Variants in PPP3R1 observed in about 807,000 individuals in gnomAD.
PPP3R1 encodes the protein protein phosphatase 3 regulatory subunit B, alpha.
Under a neutral mutation model 22.6 loss-of-function variants are expected in PPP3R1, and 5 were observed. That is an observed-to-expected ratio of 0.22 (90% confidence interval 0.12 to 0.46). PPP3R1 has a LOEUF of 0.46. Ranked by LOEUF, PPP3R1 falls within the 20% of genes least tolerant of loss-of-function variation. The pLI is 0.99. For missense variants in PPP3R1, 61 were observed against 203.2 expected (o/e 0.30, Z 4.25); for synonymous variants, 56 against 65.2 (o/e 0.86, Z 0.68).
intron 1 of PPP3R1, among the ~76,000 whole-genome samples, chr2:68,236,990 G>C (rs1670031783): frequency 1.3e-5 from 2 of 152,256 alleles, no homozygotes; most frequent in East Asian, 1.9e-4. Context: ...TTTAAAGTAA[G>C]CAAGTCTTAT....
intron 1 of PPP3R1, among the ~76,000 whole-genome samples, chr2:68,241,099 T>C (rs1646023565): frequency 6.6e-6 from 1 of 152,180 alleles, no homozygotes; most frequent in Non-Finnish European, 1.5e-5. Context: ...CAGTATCCAC[T>C]GGGAACTGGT....
chr2:68,218,823 C>T (rs1450839480), intron 1 of PPP3R1, among the ~76,000 whole-genome samples: 5 of 151,852 alleles, frequency 3.3e-5, no homozygotes, highest in African/African-American at 9.7e-5. Context: ...AAACCAGGTC[C>T]TTGTTTCTCC....
At chr2:68,197,061 ATAAC>A (rs1206717614) in intron 2 of PPP3R1, among the ~76,000 whole-genome samples, 1 of 152,206 alleles carries the variant, frequency 6.6e-6, no homozygotes, top group Non-Finnish European at 1.5e-5. Context: ...ACTTTGAGGA[ATAAC>A]TACCTTCAAA....
At chr2:68,247,458 TTC>T (rs915340218) in intron 1 of PPP3R1, among the ~76,000 whole-genome samples, 2 of 152,198 alleles carry the variant, frequency 1.3e-5, no homozygotes, top group Middle Eastern at 3.2e-3. Context: ...ATCAAGTTCT[TTC>T]TGTTTCTCCT....
At chr2:68,204,008 A>C (rs1007767995) in intron 2 of PPP3R1, among the ~76,000 whole-genome samples, 1 of 152,174 alleles carries the variant, frequency 6.6e-6, no homozygotes, top group South Asian at 2.1e-4. Flanking sequence ...TGTGTTTACT[A>C]ATTTTATCTA....
chr2:68,223,579 A>G (rs1049248104), intron 1 of PPP3R1, among the ~76,000 whole-genome samples: 17 of 151,602 alleles, frequency 1.1e-4, no homozygotes, highest in East Asian at 7.7e-4. Flanking sequence ...TTAACAGAGG[A>G]AAAAAAAAGA....
chr2:68,195,585 G>T (rs560943601), intron 2 of PPP3R1, among the ~76,000 whole-genome samples: 1 of 152,046 alleles, frequency 6.6e-6, no homozygotes, highest in Admixed American at 6.5e-5. Flanking sequence ...CCTAATTTTG[G>T]CATCCATCAG....
chr2:68,202,658 C>T (rs576529773), intron 2 of PPP3R1, among the ~76,000 whole-genome samples: 5 of 151,952 alleles, frequency 3.3e-5, no homozygotes, highest in Admixed American at 3.3e-4. Flanking sequence ...CTCCCGACCT[C>T]AGGTGATCCA....
At chr2:68,207,618 C>T (rs1669335992) in intron 2 of PPP3R1, among the ~76,000 whole-genome samples, 1 of 152,148 alleles carries the variant, frequency 6.6e-6, no homozygotes, top group Non-Finnish European at 1.5e-5. Context: ...ACTATGGTTC[C>T]CTCAAGACTT....
At chr2:68,193,400 C>T (rs759358530) in intron 2 of PPP3R1, among the ~76,000 whole-genome samples, 3 of 152,030 alleles carry the variant, frequency 2.0e-5, no homozygotes, top group South Asian at 4.1e-4. Context: ...CTTTCAGCTA[C>T]GATTACGATG....
intron 1 of PPP3R1, among the ~76,000 whole-genome samples, chr2:68,242,367 G>T (rs1341554041): frequency 6.6e-6 from 1 of 151,728 alleles, no homozygotes; most frequent in African/African-American, 2.4e-5. Context: ...CTGAAGTAGC[G>T]GTGAGCCAAG....
At chr2:68,238,572 C>T (rs926180694) in intron 1 of PPP3R1, among the ~76,000 whole-genome samples, 3 of 152,136 alleles carry the variant, frequency 2.0e-5, no homozygotes, top group Non-Finnish European at 4.4e-5. Context: ...TTCTCAAAGA[C>T]GTAGCCTTGA....
At chr2:68,212,153 T>C (rs1669500191) in intron 2 of PPP3R1, among the ~76,000 whole-genome samples, 1 of 152,184 alleles carries the variant, frequency 6.6e-6, no homozygotes, top group African/African-American at 2.4e-5. Flanking sequence ...TGATCTCTGC[T>C]CACTGCAACC....
intron 5 of PPP3R1, among the ~76,000 whole-genome samples, chr2:68,185,326 T>C (rs1239135842): frequency 1.3e-5 from 2 of 149,656 alleles, no homozygotes; most frequent in African/African-American, 4.9e-5. Context: ...TTTCTATATA[T>C]AAAAGATATA....
chr2:68,195,043 T>TC (rs1572954784), intron 2 of PPP3R1, among the ~76,000 whole-genome samples: 1 of 152,188 alleles, frequency 6.6e-6, no homozygotes, highest in East Asian at 1.9e-4. Context: ...ACCATTTTTT[T>TC]CACTCATGTA....
Position 68,188,641 on chromosome 2 carries a change from A to G in PPP3R1, c.93T>C (p.Asp31=), listed in dbSNP as rs879151809. Reference sequence around the variant, plus strand: ...CACTCAAAGAACCAGAATTGTCCAAATCAAGCTTCTTAAATCTCTTTCCTA... The same window carrying G: ...CACTCAAAGAACCAGAATTGTCCAAGTCAAGCTTCTTAAATCTCTTTCCTA... The part of the protein sequence containing the change: ...KRLGKRFKKL[D]LDNSGSLSVE... The change falls in exon 3 of 6, where the codon GAT becomes GAC. Residue 31 remains aspartate (D), a synonymous_variant. Transcript: ENST00000234310. 4.3e-6 allele frequency: 7 copies of G among 1,612,908 alleles called. No individual in the cohort carries two copies. In the South Asian group the frequency reaches 7.7e-5, roughly 18 times the overall value.
At chr2:68,222,761 T>C (rs1669710242) in intron 1 of PPP3R1, among the ~76,000 whole-genome samples, 1 of 152,164 alleles carries the variant, frequency 6.6e-6, no homozygotes, top group Non-Finnish European at 1.5e-5. Context: ...AATCTCTTTC[T>C]AGACATATGT....
chr2:68,226,681 C>A (rs960702854), intron 1 of PPP3R1, among the ~76,000 whole-genome samples: 1 of 152,140 alleles, frequency 6.6e-6, no homozygotes, highest in Admixed American at 6.5e-5. Flanking sequence ...AACTGTCTTA[C>A]TATCTTTTGA....
At chr2:68,215,741 G>A (rs2103769058) in intron 2 of PPP3R1, among the ~76,000 whole-genome samples, 1 of 152,246 alleles carries the variant, frequency 6.6e-6, no homozygotes, top group East Asian at 1.9e-4. Context: ...GGAGAGTATA[G>A]AAGACAACCA....
Sources: allele counts gnomAD v4.1 joint callset (sites outside exome capture counted in the v4.1 genomes callset), GRCh38; gene constraint gnomAD v4.1.1; transcripts MANE v1.5; gene names NCBI Gene and HGNC (gene_info 2026-07-23, HGNC 2026-07-21).